CLDN16: variants seen among roughly 807,000 people sequenced by gnomAD.
CLDN16 encodes the protein claudin-16.
A neutral mutation model predicts 24.6 loss-of-function variants in CLDN16; 13 were observed. The ratio of observed to expected loss-of-function variants is 0.53; its 90% CI spans 0.34 to 0.84. The LOEUF is 0.84. Among genes scored for constraint, CLDN16 ranks in the 40% least tolerant of loss-of-function variants. The probability of loss-of-function intolerance (pLI) is 0.01; values close to 1 mark genes in which losing one functional copy is unlikely to be tolerated. For missense variants in CLDN16, 298 were observed against 292.7 expected (o/e 1.02, Z -0.13); for synonymous variants, 116 against 106.7 (o/e 1.09, Z -0.54).
chr3:190,307,182 C>A, the CLDN16 span: 1 of 152,578 alleles, frequency 6.6e-6, no homozygotes, highest in Non-Finnish European at 1.5e-5. Flanking sequence ...TTGCTTACAG[C>A]TACAGAGAGA....
At chr3:190,357,067 C>T (rs1049124189) in intron 1 of CLDN16, among the ~76,000 whole-genome samples, 7 of 151,806 alleles carry the variant, frequency 4.6e-5, no homozygotes, top group Non-Finnish European at 7.4e-5. Context: ...TCATTATATC[C>T]ACTTTAAAGC....
upstream of CLDN16, chr3:190,321,978 A>T (rs957531502): frequency 3.1e-6 from 5 of 1,612,806 alleles, no homozygotes; most frequent in Non-Finnish European, 4.2e-6. Context: ...GTGGGGGTGC[A>T]CTCACTGCTC....
chr3:190,321,661 T>C (rs1396435919), upstream of CLDN16, among the ~76,000 whole-genome samples: 1 of 152,174 alleles, frequency 6.6e-6, no homozygotes, highest in Admixed American at 6.5e-5. Flanking sequence ...TCGGAATGCC[T>C]AGGAGAGGTC....
rs1719300193 is a variant in CLDN16, at chr3:190,412,114, C to G, written c.*2078C>G. ...ATGTGTGACTGTTTTGAATTTTTTT[C>G]TCAATTAAAACATTTTGTATGTAAT... On this transcript the variant is annotated 3_prime_UTR_variant, in exon 5 of 5. Transcript: ENST00000264734. The G allele has an allele frequency of 6.6e-6, 1 of 151,900 alleles. No individual in the cohort carries two copies. The highest frequency in any genetic ancestry group is 1.5e-5 in the Non-Finnish European group (1 of 67,902). The allele number at this position is 151,900 out of a possible 1,614,324, so 9.4% of individuals were successfully genotyped here.
chr3:190,372,474 T>TCC (rs200009452), intron 2 of CLDN16, among the ~76,000 whole-genome samples: 1 of 150,988 alleles, frequency 6.6e-6, no homozygotes, highest in Non-Finnish European at 1.5e-5. Flanking sequence ...GAGACCCCCT[T>TCC]CCCCCCCAAA....
chr3:190,314,497 C>T, the CLDN16 span, among the ~76,000 whole-genome samples: 6 of 151,998 alleles, frequency 3.9e-5, no homozygotes, highest in Admixed American at 6.5e-5. Flanking sequence ...GGGGCTCAAG[C>T]GATTCTCATC....
At chr3:190,338,770 G>A (rs555417055) in intron 1 of CLDN16, among the ~76,000 whole-genome samples, 1 of 152,324 alleles carries the variant, frequency 6.6e-6, no homozygotes, top group Admixed American at 6.5e-5. Flanking sequence ...CTCAAATTCT[G>A]AAGAAGCTAA....
chr3:190,303,560 G>A, the CLDN16 span, among the ~76,000 whole-genome samples: 1 of 151,908 alleles, frequency 6.6e-6, no homozygotes, highest in African/African-American at 2.4e-5. Context: ...CAAAAATAAT[G>A]AAATAAGTGA....
At chr3:190,297,533 AG>A in the CLDN16 span, among the ~76,000 whole-genome samples, 1 of 143,116 alleles carries the variant, frequency 7.0e-6, no homozygotes, top group Non-Finnish European at 1.5e-5. Flanking sequence ...TATATATTAT[AG>A]ATATATAGAT....
chr3:190,366,544 C>T (rs1420851389), intron 1 of CLDN16, among the ~76,000 whole-genome samples: 2 of 151,974 alleles, frequency 1.3e-5, no homozygotes, highest in Non-Finnish European at 2.9e-5. Flanking sequence ...GATTTACTAA[C>T]CAGTGCTCAT....
chr3:190,358,657 C>T (rs1363355794), intron 1 of CLDN16, among the ~76,000 whole-genome samples: 1 of 150,952 alleles, frequency 6.6e-6, no homozygotes, highest in Non-Finnish European at 1.5e-5. Context: ...TAAACTTTTC[C>T]TGCAAAATTA....
chr3:190,364,767 A>C (rs982377671), intron 1 of CLDN16, among the ~76,000 whole-genome samples: 1 of 151,778 alleles, frequency 6.6e-6, no homozygotes, highest in African/African-American at 2.4e-5. Flanking sequence ...TTTGTAAATA[A>C]GTCAAAGACA....
chr3:190,322,170 G>A (rs1421878516), upstream of CLDN16: 1 of 1,614,146 alleles, frequency 6.2e-7, no homozygotes, highest in African/African-American at 1.3e-5. Context: ...AGGAAGGCGA[G>A]AATGAAGCCC....
chr3:190,332,649 A>G (rs577973620), intron 1 of CLDN16, among the ~76,000 whole-genome samples: 1 of 152,318 alleles, frequency 6.6e-6, no homozygotes, highest in East Asian at 1.9e-4. Flanking sequence ...TAGCAGAAAG[A>G]TAAGATTATG....
At chr3:190,308,023 A>G in the CLDN16 span, 1 of 427,336 alleles carries the variant, frequency 2.3e-6, no homozygotes, top group Non-Finnish European at 4.3e-6. Context: ...CCAGTTGAGT[A>G]TGATTACTCA....
chr3:190,376,472 A>G (rs1191161308), intron 3 of CLDN16, among the ~76,000 whole-genome samples: 1 of 151,948 alleles, frequency 6.6e-6, no homozygotes, highest in East Asian at 1.9e-4. Flanking sequence ...GTAAAACTAT[A>G]AAGTGTTATG....
chr3:190,334,272 G>A (rs1717248754), intron 1 of CLDN16, among the ~76,000 whole-genome samples: 1 of 152,224 alleles, frequency 6.6e-6, no homozygotes, highest in Non-Finnish European at 1.5e-5. Context: ...GATGTACTCA[G>A]ATTAGGGAGA....
intron 1 of CLDN16, among the ~76,000 whole-genome samples, chr3:190,342,297 A>G (rs942810071): frequency 3.3e-5 from 5 of 152,178 alleles, no homozygotes; most frequent in Non-Finnish European, 4.4e-5. Flanking sequence ...ACAGTTCCAC[A>G]TGGCTGGGGA....
At chr3:190,308,286 G>A in the CLDN16 span, 7 of 1,613,694 alleles carry the variant, frequency 4.3e-6, no homozygotes, top group African/African-American at 9.3e-5. Context: ...GTCACACGTA[G>A]TCTTTCCCGC....
Sources: allele counts gnomAD v4.1 joint callset (sites outside exome capture counted in the v4.1 genomes callset), GRCh38; gene constraint gnomAD v4.1.1; transcripts MANE v1.5; gene names NCBI Gene and HGNC (gene_info 2026-07-23, HGNC 2026-07-21).